The following CSMD1 variants were observed in gnomAD, a reference collection of about 807,000 sequenced individuals.
The protein encoded by CSMD1 is CUB and sushi domain-containing protein 1.
CSMD1 carries 213 observed loss-of-function variants against 417.5 expected under a neutral mutation model. The observed-to-expected ratio is 0.51, with a 90% CI of 0.46 to 0.57. CSMD1 has a LOEUF of 0.57. CSMD1 is among the 20% of genes least tolerant of loss of function. CSMD1 has a pLI of 0.00. For missense variants in CSMD1, 6,923 were observed against 4,529.7 expected (o/e 1.53, Z -15.17); for synonymous variants, 2,862 against 1,736.8 (o/e 1.65, Z -16.11).
chr8:4,077,247 G>A (rs1045439631), intron 3 of CSMD1, among the ~76,000 whole-genome samples: 1 of 135,856 alleles, frequency 7.4e-6, no homozygotes, highest in Non-Finnish European at 1.6e-5. Context: ...TTTCTCTACT[G>A]ACACCTCCCA....
At chr8:3,669,837 G>A (rs572639981) in intron 7 of CSMD1, among the ~76,000 whole-genome samples, 3 of 152,220 alleles carry the variant, frequency 2.0e-5, no homozygotes, top group East Asian at 3.9e-4. Flanking sequence ...GACACAGTGG[G>A]TGATGTCAGC....
intron 7 of CSMD1, among the ~76,000 whole-genome samples, chr8:3,630,728 CCT>C (rs57307174): frequency 0.27 from 40,533 of 147,676 alleles, 6,249 homozygotes; most frequent in East Asian, 0.67. Flanking sequence ...AATGGAGTTG[CCT>C]CTCTGAAGCC....
chr8:4,768,154 G>C (rs1382145394), intron 1 of CSMD1, among the ~76,000 whole-genome samples: 3 of 152,132 alleles, frequency 2.0e-5, no homozygotes, highest in Non-Finnish European at 4.4e-5. Flanking sequence ...AACAAAACTA[G>C]TGGTGAAAAT....
chr8:3,528,830 T>C (rs900071598), intron 10 of CSMD1, among the ~76,000 whole-genome samples: 5 of 152,188 alleles, frequency 3.3e-5, no homozygotes, highest in East Asian at 1.9e-4. Flanking sequence ...TAGTTCTCCA[T>C]TTAAACATAA....
chr8:3,542,243 T>G (rs563809799), intron 10 of CSMD1, among the ~76,000 whole-genome samples: 109 of 152,326 alleles, frequency 7.2e-4, no homozygotes, highest in African/African-American at 2.4e-3. Flanking sequence ...TGTGACATAC[T>G]GTCATAAATT....
chr8:4,456,637 C>T (rs1799505042), intron 2 of CSMD1, among the ~76,000 whole-genome samples: 1 of 152,106 alleles, frequency 6.6e-6, no homozygotes, highest in South Asian at 2.1e-4. Context: ...ATTTAATCAT[C>T]AGTATGGCAG....
intron 2 of CSMD1, among the ~76,000 whole-genome samples, chr8:4,480,201 CA>C (rs201805203): frequency 5.2e-5 from 7 of 134,604 alleles, no homozygotes; most frequent in Non-Finnish European, 1.1e-4. Flanking sequence ...AAAAAAAAAA[CA>C]AAAAAAAACC....
intron 3 of CSMD1, among the ~76,000 whole-genome samples, chr8:4,310,613 T>C (rs1055590036): frequency 3.9e-5 from 6 of 152,146 alleles, no homozygotes; most frequent in Admixed American, 2.0e-4. Flanking sequence ...TAAATCAACA[T>C]GGTATGTTAG....
chr8:4,481,292 T>A lies in CSMD1; in HGVS notation c.303-61227A>T, dbSNP rs142272518. Reference sequence around the variant, plus strand: ...TCCTGCTGTGCCAGCCCTATCACACTGACCCTTATCTTTCCCATTTTTAAT... The same window carrying A: ...TCCTGCTGTGCCAGCCCTATCACACAGACCCTTATCTTTCCCATTTTTAAT... On this transcript the variant is annotated intron_variant, in intron 2 of 69. Coordinates refer to ENST00000635120, the MANE Select transcript of CSMD1 (RefSeq NM_033225.6). 1.1e-4 allele frequency among the ~76,000 whole-genome samples: 17 copies of A among 152,400 alleles called. No individual in the cohort carries two copies. In the East Asian group the frequency reaches 2.3e-3, roughly 21 times the overall value.
intron 5 of CSMD1, among the ~76,000 whole-genome samples, chr8:3,884,415 T>A (rs1008208996): frequency 4.6e-5 from 7 of 151,966 alleles, no homozygotes; most frequent in African/African-American, 1.7e-4. Flanking sequence ...ACAAATCTTG[T>A]TACAAGGGAC....
intron 2 of CSMD1, among the ~76,000 whole-genome samples, chr8:4,609,308 G>A (rs749794762): frequency 1.3e-5 from 2 of 152,178 alleles, no homozygotes; most frequent in South Asian, 4.1e-4. Flanking sequence ...GGCTGAGGTG[G>A]GAGGATTGCT....
In CSMD1 at chr8:4,441,469, T is replaced by G. The variant is rs999566572; in HGVS notation, c.303-21404A>C. On this transcript the variant is annotated intron_variant, in intron 2 of 69. Coordinates refer to ENST00000635120, the MANE Select transcript of CSMD1 (RefSeq NM_033225.6). Reference sequence around the variant, plus strand: ...AATGAAATCAGTGTTGAATGTTTTATTAGGAGTTAGACATAAGGTATTTTA... The same window carrying G: ...AATGAAATCAGTGTTGAATGTTTTAGTAGGAGTTAGACATAAGGTATTTTA... 3.9e-5 allele frequency among the ~76,000 whole-genome samples: 6 copies of G among 152,042 alleles called. No individual in the cohort carries two copies. The South Asian group carries it at 1.3e-3, about 32-fold the overall frequency.
chr8:3,113,372 G>A (rs1476610744), intron 42 of CSMD1: 2 of 152,280 alleles, frequency 1.3e-5, no homozygotes, highest in Non-Finnish European at 2.9e-5. Flanking sequence ...ATACCCGGAT[G>A]TTCACGTGGG....
Position 3,929,983 on chromosome 8 carries a change from T to A in CSMD1, c.818+67920A>T, listed in dbSNP as rs569162452. Among the ~76,000 whole-genome samples the A allele has an allele frequency of 2.7e-5, 4 of 150,574 alleles. No individual in the cohort carries two copies. In the South Asian group the frequency reaches 8.6e-4, roughly 32 times the overall value. On this transcript the variant is annotated intron_variant, in intron 5 of 69. Transcript: ENST00000635120. ...TGCACAGCCTATATGATTAAATTTT[T>A]AAAAACTATTTTATTGTTAATGCAA... is the stretch of plus-strand genomic sequence containing the variant.
chr8:3,998,327 T>C (rs1424962320), intron 4 of CSMD1, among the ~76,000 whole-genome samples: 4 of 152,264 alleles, frequency 2.6e-5, no homozygotes, highest in Non-Finnish European at 4.4e-5. Context: ...TGAATGGCCA[T>C]TGCGGGAAAG....
intron 3 of CSMD1, among the ~76,000 whole-genome samples, chr8:4,181,192 G>C (rs1011894131): frequency 6.6e-6 from 1 of 152,028 alleles, no homozygotes; most frequent in Admixed American, 6.6e-5. Context: ...TGAATAAATA[G>C]ACATCCCATA....
At chr8:3,654,859 G>C (rs116335397) in intron 7 of CSMD1, among the ~76,000 whole-genome samples, 2 of 152,052 alleles carry the variant, frequency 1.3e-5, no homozygotes, top group African/African-American at 2.4e-5. Flanking sequence ...ACCCACACCC[G>C]GACCTGCCAG....
At chr8:4,164,326 ATATCTAAATAG>A (rs1797334052) in intron 3 of CSMD1, among the ~76,000 whole-genome samples, 1 of 152,202 alleles carries the variant, frequency 6.6e-6, no homozygotes, top group African/African-American at 2.4e-5. Context: ...ATTTAAAAAC[ATATCTAAATAG>A]TATTCATAAA....
intron 50 of CSMD1, among the ~76,000 whole-genome samples, chr8:3,031,470 T>TAA (rs200151995): frequency 2.6e-5 from 4 of 151,762 alleles, no homozygotes; most frequent in African/African-American, 7.2e-5. Flanking sequence ...CTAACAATAA[T>TAA]AAAAAAAAAT....
Sources: allele counts gnomAD v4.1 joint callset (sites outside exome capture counted in the v4.1 genomes callset), GRCh38; gene constraint gnomAD v4.1.1; transcripts MANE v1.5; gene names NCBI Gene and HGNC (gene_info 2026-07-23, HGNC 2026-07-21).